Variants in PTCHD4 observed in about 807,000 individuals in gnomAD.
The protein encoded by PTCHD4 is patched domain containing 4.
In PTCHD4, 33 loss-of-function variants were observed where a neutral mutation model predicts 58.1. That is an observed-to-expected ratio of 0.57 (90% CI 0.43 to 0.76). PTCHD4 has a LOEUF of 0.76. Ranked by LOEUF, PTCHD4 falls within the 30% of genes least tolerant of loss-of-function variation. PTCHD4 has a pLI of 0.00. For missense variants in PTCHD4, 1,058 were observed against 1,027.1 expected (o/e 1.03, Z -0.41); for synonymous variants, 478 against 409.6 (o/e 1.17, Z -2.02).
intron 4 of PTCHD4, among the ~76,000 whole-genome samples, chr6:47,904,886 A>G (rs1453585124): frequency 1.3e-5 from 2 of 152,186 alleles, no homozygotes; most frequent in Admixed American, 6.5e-5. Flanking sequence ...GAAAACAAGG[A>G]AAACAATTTA....
chr6:48,105,775 C>A (rs1765705224), intron 1 of PTCHD4, among the ~76,000 whole-genome samples: 1 of 152,100 alleles, frequency 6.6e-6, no homozygotes, highest in East Asian at 1.9e-4. Flanking sequence ...GATATCACCA[C>A]CGATCCCACA....
At chr6:47,896,388 T>C (rs59353896) in intron 4 of PTCHD4, among the ~76,000 whole-genome samples, 9,198 of 152,290 alleles carry the variant, frequency 0.06, 322 homozygotes, top group Middle Eastern at 0.099. Flanking sequence ...AGTCTATGAA[T>C]GAACTAATAA....
In PTCHD4 at chr6:48,011,574, T is replaced by C. The variant is rs574391674; in HGVS notation, c.418-2460A>G. 1.5e-3 allele frequency among the ~76,000 whole-genome samples: 226 copies of C among 152,354 alleles called. 1 individual carries two copies. Among genetic ancestry groups the C allele is most frequent in the Non-Finnish European group, 2.7e-3 (181 of 68,030 alleles). ...TTTGCTGTGCAGAAGCCCTTTAGTT[T>C]AATTAGATCCCATTTGTCAATTTTG... On this transcript the variant is annotated intron_variant, in intron 3 of 4. Coordinates refer to ENST00000339488, the MANE Select transcript of PTCHD4 (RefSeq NM_001384253.1).
In PTCHD4 at chr6:48,082,163, C is replaced by G. The variant is rs148405074; in HGVS notation, c.-969-12237G>C. ...TATGTCAAATATGCCACAGGAAAAA[C>G]AGCTTGGCTTAAGATTTTCTTCTGT... On this transcript the variant is annotated intron_variant, in intron 1 of 4. Transcript: ENST00000339488. 5.3e-5 allele frequency among the ~76,000 whole-genome samples: 8 copies of G among 152,332 alleles called. No homozygotes were observed. The East Asian group carries it at 1.3e-3, about 26-fold the overall frequency.
chr6:47,981,712 C>T (rs1282539241), intron 4 of PTCHD4, among the ~76,000 whole-genome samples: 1 of 152,176 alleles, frequency 6.6e-6, no homozygotes, highest in African/African-American at 2.4e-5. Flanking sequence ...GGCTTGCCCT[C>T]AAGCAGTCTT....
At chr6:47,929,650 A>T (rs1264704061) in intron 4 of PTCHD4, among the ~76,000 whole-genome samples, 4 of 152,256 alleles carry the variant, frequency 2.6e-5, no homozygotes, top group African/African-American at 9.6e-5. Flanking sequence ...GAGGAACTCC[A>T]GGCTGCTATA....
At chr6:47,977,164 T>C (rs1324971220) in intron 4 of PTCHD4, among the ~76,000 whole-genome samples, 1 of 152,160 alleles carries the variant, frequency 6.6e-6, no homozygotes, top group Non-Finnish European at 1.5e-5. Flanking sequence ...AATGGTTATA[T>C]ATAAGGTGAG....
chr6:48,056,388 T>A (rs1254652660), intron 3 of PTCHD4, among the ~76,000 whole-genome samples: 1 of 152,224 alleles, frequency 6.6e-6, no homozygotes, highest in East Asian at 1.9e-4. Flanking sequence ...TGTCTAGGGG[T>A]TCAGGTTTTA....
chr6:47,873,491 A>G lies in PTCHD4; in HGVS notation c.*4812T>C, dbSNP rs1447364206. On this transcript the variant is annotated 3_prime_UTR_variant, in exon 5 of 5. Coordinates refer to ENST00000339488, the MANE Select transcript of PTCHD4 (RefSeq NM_001384253.1). Reference sequence around the variant, plus strand: ...ATTAATCTTGGTCCTTTAGTTGATAAATCAAGGTAATTTACTGCTGCTATA... The same window carrying G: ...ATTAATCTTGGTCCTTTAGTTGATAGATCAAGGTAATTTACTGCTGCTATA... Among the ~76,000 whole-genome samples, 1 of 151,634 alleles carries G rather than the reference A, an allele frequency of 6.6e-6. No individual in the cohort carries two copies. The highest frequency in any genetic ancestry group is 1.5e-5 in the Non-Finnish European group (1 of 67,768).
rs1410603190 is a variant in PTCHD4, at chr6:47,857,006, G to T, written c.*21297C>A. 6.6e-6 allele frequency among the ~76,000 whole-genome samples: 1 copy of T among 152,056 alleles called. No individual in the cohort carries two copies. Among genetic ancestry groups the T allele is most frequent in the East Asian group, 1.9e-4 (1 of 5,170 alleles). Reference sequence around the variant, plus strand: ...CCAAAAGCTGAAGCATGACAACATTGATGATCAAGGTTGCTTAGGGAAATT... The same window carrying T: ...CCAAAAGCTGAAGCATGACAACATTTATGATCAAGGTTGCTTAGGGAAATT... On this transcript the variant is annotated 3_prime_UTR_variant, in exon 5 of 5. Transcript: ENST00000339488.
Position 48,079,957 on chromosome 6 carries a change from G to C in PTCHD4, c.-969-10031C>G, listed in dbSNP as rs370142839. On this transcript the variant is annotated intron_variant, in intron 1 of 4. Transcript: ENST00000339488. ...TTGCTCTTATACAATTCAAAACCCT[G>C]CCCCTTATGATGATTTTTTTTTTTT... is the stretch of plus-strand genomic sequence containing the variant. 1.6e-3 allele frequency among the ~76,000 whole-genome samples: 218 copies of C among 133,084 alleles called. 1 individual carries two copies. Among genetic ancestry groups the C allele is most frequent in the African/African-American group, 5.9e-3 (212 of 35,714 alleles). The allele number at this position is 133,084 out of a possible 152,430, so 87.3% of individuals were successfully genotyped here.
Position 47,940,560 on chromosome 6 carries a change from T to A in PTCHD4, c.899-60624A>T, listed in dbSNP as rs118073553. Among the ~76,000 whole-genome samples the A allele has an allele frequency of 2.0e-5, 3 of 152,344 alleles. No individual in the cohort carries two copies. In the East Asian group the frequency reaches 5.8e-4, roughly 29 times the overall value. ...CATTAGCCTTTCTAGGTCATTGTAC[T>A]GCATCTGAGCCTAAAATTAAAACCA... On this transcript the variant is annotated intron_variant, in intron 4 of 4. Coordinates refer to ENST00000339488, the MANE Select transcript of PTCHD4 (RefSeq NM_001384253.1).
chr6:47,973,764 C>T (rs771258259), intron 4 of PTCHD4, among the ~76,000 whole-genome samples: 11 of 152,164 alleles, frequency 7.2e-5, no homozygotes, highest in East Asian at 1.9e-4. Context: ...TAGTATCTTA[C>T]GTTTATACAG....
At chr6:47,947,627 C>A (rs900313172) in intron 4 of PTCHD4, among the ~76,000 whole-genome samples, 1 of 152,082 alleles carries the variant, frequency 6.6e-6, no homozygotes, top group Non-Finnish European at 1.5e-5. Flanking sequence ...TTCTACCATG[C>A]ATAGTTGTTG....
At chr6:47,936,206 A>G (rs1414287842) in intron 4 of PTCHD4, among the ~76,000 whole-genome samples, 1 of 152,210 alleles carries the variant, frequency 6.6e-6, no homozygotes, top group Non-Finnish European at 1.5e-5. Flanking sequence ...GGCTTGGACT[A>G]GGGCAGTGTT....
intron 4 of PTCHD4, among the ~76,000 whole-genome samples, chr6:47,986,925 G>A (rs1275614974): frequency 6.6e-6 from 1 of 152,144 alleles, no homozygotes; most frequent in Admixed American, 6.5e-5. Context: ...GTGTGTTGCA[G>A]CGTCATACTC....
At chr6:48,038,027 C>A (rs1377301532) in intron 3 of PTCHD4, among the ~76,000 whole-genome samples, 1 of 151,122 alleles carries the variant, frequency 6.6e-6, no homozygotes, top group African/African-American at 2.4e-5. Context: ...CTAGTAATGT[C>A]ACTCTCGGTG....
intron 3 of PTCHD4, among the ~76,000 whole-genome samples, chr6:48,014,839 A>T (rs1338545870): frequency 2.0e-5 from 3 of 152,164 alleles, no homozygotes; most frequent in Non-Finnish European, 4.4e-5. Context: ...GGATGATTCC[A>T]AGGTTGAAAC....
chr6:47,914,808 G>C (rs1206760004), intron 4 of PTCHD4, among the ~76,000 whole-genome samples: 4 of 150,206 alleles, frequency 2.7e-5, no homozygotes, highest in Admixed American at 6.6e-5. Context: ...ACCATCTCCT[G>C]TTGTTTCTTT....
Sources: gnomAD v4.1 joint callset for allele counts (sites outside exome capture counted in the v4.1 genomes callset) on GRCh38, gnomAD v4.1.1 for gene constraint, MANE v1.5 for transcripts, NCBI Gene and HGNC (gene_info 2026-07-23, HGNC 2026-07-21) for gene names.